CCSER1: variants seen among roughly 807,000 people sequenced by gnomAD.
CCSER1 encodes the protein serine-rich coiled-coil domain-containing protein 1.
A neutral mutation model predicts 82.0 loss-of-function variants in CCSER1; 41 were observed. That is an observed-to-expected ratio of 0.50 (90% CI 0.39 to 0.65). The LOEUF is 0.65. Among genes scored for constraint, CCSER1 ranks in the 30% least tolerant of loss-of-function variants. The probability of loss-of-function intolerance (pLI) is 0.00; values close to 1 mark genes in which losing one functional copy is unlikely to be tolerated. For missense variants in CCSER1, 1,119 were observed against 1,064.2 expected (o/e 1.05, Z -0.72); for synonymous variants, 414 against 383.9 (o/e 1.08, Z -0.92).
At chr4:91,234,367 A>G (rs1293282720) in intron 10 of CCSER1, among the ~76,000 whole-genome samples, 2 of 152,032 alleles carry the variant, frequency 1.3e-5, no homozygotes, top group Non-Finnish European at 2.9e-5. Flanking sequence ...TTATTCCACC[A>G]TGGCTCTAAT....
intron 10 of CCSER1, among the ~76,000 whole-genome samples, chr4:91,592,738 G>A (rs987431198): frequency 3.3e-5 from 5 of 151,652 alleles, no homozygotes; most frequent in African/African-American, 4.8e-5. Context: ...ATTTTTCTAA[G>A]TATAATACCA....
In CCSER1 at chr4:90,642,350, T is replaced by A. The variant is rs531195961; in HGVS notation, c.1932+14118T>A. 5.2e-5 allele frequency: 8 copies of A among 153,086 alleles called. 1 individual carries two copies. The highest frequency in any genetic ancestry group is 1.7e-4 in the African/African-American group (7 of 41,600). 9.5% of individuals were successfully genotyped at this position (153,086 alleles called of 1,614,324 possible). On this transcript the variant is annotated intron_variant, in intron 6 of 10. Transcript: ENST00000509176. Reference sequence around the variant, plus strand: ...TTTCTTAAAAGTAGTATGAATCTAATAATATTCACATGTTTACAGATGAGC... The same window carrying A: ...TTTCTTAAAAGTAGTATGAATCTAAAAATATTCACATGTTTACAGATGAGC...
At chr4:90,587,057 T>A (rs1034096423) in intron 5 of CCSER1, among the ~76,000 whole-genome samples, 2 of 152,184 alleles carry the variant, frequency 1.3e-5, no homozygotes, top group African/African-American at 2.4e-5. Flanking sequence ...AGTGCTGTAA[T>A]GTGATAAGGA....
intron 8 of CCSER1, among the ~76,000 whole-genome samples, chr4:90,865,072 T>C (rs755433127): frequency 1.2e-4 from 19 of 152,064 alleles, no homozygotes; most frequent in Non-Finnish European, 2.4e-4. Flanking sequence ...TTTTGGTGAA[T>C]CCAATATATT....
At chr4:90,623,969 A>C (rs1722836748) in intron 5 of CCSER1, among the ~76,000 whole-genome samples, 1 of 152,188 alleles carries the variant, frequency 6.6e-6, no homozygotes, top group African/African-American at 2.4e-5. Context: ...GAACCTTTTT[A>C]AAATGAAGTT....
chr4:90,336,962 G>A (rs989196964), intron 3 of CCSER1, among the ~76,000 whole-genome samples: 1 of 152,116 alleles, frequency 6.6e-6, no homozygotes, highest in Non-Finnish European at 1.5e-5. Flanking sequence ...ATCACAAATG[G>A]TTTATTTACA....
At chr4:90,476,904 T>C (rs1023682454) in intron 5 of CCSER1, among the ~76,000 whole-genome samples, 2 of 152,246 alleles carry the variant, frequency 1.3e-5, no homozygotes, top group South Asian at 4.1e-4. Flanking sequence ...GACAACCCGA[T>C]AATATGACTG....
intron 5 of CCSER1, among the ~76,000 whole-genome samples, chr4:90,608,776 T>A (rs577170423): frequency 1.6e-5 from 2 of 126,878 alleles, no homozygotes; most frequent in Non-Finnish European, 3.3e-5. Flanking sequence ...AATTTATTTC[T>A]TCTTATTTTA....
At chr4:90,988,617 G>A (rs955877689) in intron 9 of CCSER1, among the ~76,000 whole-genome samples, 1 of 151,456 alleles carries the variant, frequency 6.6e-6, no homozygotes, top group South Asian at 2.1e-4. Flanking sequence ...TTATGGGAGG[G>A]GTTCCACTAA....
At chr4:90,409,024 G>T (rs1253780978) in intron 4 of CCSER1, among the ~76,000 whole-genome samples, 1 of 152,146 alleles carries the variant, frequency 6.6e-6, no homozygotes, top group Non-Finnish European at 1.5e-5. Context: ...GGAAGAAAGG[G>T]TATCAGTGAT....
chr4:91,049,006 A>G (rs2148704507), intron 9 of CCSER1, among the ~76,000 whole-genome samples: 1 of 152,304 alleles, frequency 6.6e-6, no homozygotes, highest in African/African-American at 2.4e-5. Flanking sequence ...TAAGGCTTTT[A>G]ACATACTTAC....
At chr4:90,203,062 T>C (rs1738072015) in intron 1 of CCSER1, among the ~76,000 whole-genome samples, 1 of 152,206 alleles carries the variant, frequency 6.6e-6, no homozygotes, top group Admixed American at 6.5e-5. Flanking sequence ...ACTCACAAGG[T>C]ACATGCCTAC....
chr4:90,773,136 G>C (rs111962127), intron 7 of CCSER1, among the ~76,000 whole-genome samples: 1 of 152,066 alleles, frequency 6.6e-6, no homozygotes, highest in Non-Finnish European at 1.5e-5. Flanking sequence ...GCTACTCAGG[G>C]GGCTGAGGAA....
chr4:90,491,634 T>G (rs975739770), intron 5 of CCSER1, among the ~76,000 whole-genome samples: 7 of 152,174 alleles, frequency 4.6e-5, no homozygotes, highest in African/African-American at 1.7e-4. Flanking sequence ...GGCCATTCAG[T>G]ATGATATTGG....
chr4:91,458,510 T>C (rs1175664100), intron 10 of CCSER1, among the ~76,000 whole-genome samples: 1 of 152,150 alleles, frequency 6.6e-6, no homozygotes, highest in African/African-American at 2.4e-5. Context: ...TGTGGGTCTT[T>C]TGTGGTTCCG....
Position 91,092,662 on chromosome 4 carries a change from C to T in CCSER1, c.2217+6668C>T, listed in dbSNP as rs185701282. ...TCATGTACAGCCAGCATGACTGCAGCTCCTAGCAGCTGTGGCACAGCTATT... is the reference window on the plus strand; with the variant it reads ...TCATGTACAGCCAGCATGACTGCAGTTCCTAGCAGCTGTGGCACAGCTATT... On this transcript the variant is annotated intron_variant, in intron 10 of 10. Coordinates refer to ENST00000509176, the MANE Select transcript of CCSER1 (RefSeq NM_001145065.2). Among the ~76,000 whole-genome samples, 1,014 of 152,324 alleles carry T rather than the reference C, an allele frequency of 6.7e-3. 12 individuals carry two copies. Among genetic ancestry groups the T allele is most frequent in the Non-Finnish European group, 0.01 (702 of 68,040 alleles).
intron 10 of CCSER1, among the ~76,000 whole-genome samples, chr4:91,529,857 T>A (rs1262530562): frequency 6.6e-6 from 1 of 152,182 alleles, no homozygotes; most frequent in South Asian, 2.1e-4. Flanking sequence ...GTTGTAGATA[T>A]TAACTAAAAT....
intron 6 of CCSER1, among the ~76,000 whole-genome samples, chr4:90,655,594 G>A (rs1203153736): frequency 2.0e-5 from 3 of 151,932 alleles, no homozygotes; most frequent in Non-Finnish European, 4.4e-5. Context: ...CTCTGAGAAT[G>A]AGTAAGATCT....
intron 4 of CCSER1, among the ~76,000 whole-genome samples, chr4:90,400,789 G>A (rs781570621): frequency 6.6e-6 from 1 of 151,992 alleles, no homozygotes; most frequent in Non-Finnish European, 1.5e-5. Flanking sequence ...AGGAATTATT[G>A]GTCGTCCATT....
Sources: allele counts gnomAD v4.1 joint callset (sites outside exome capture counted in the v4.1 genomes callset), GRCh38; gene constraint gnomAD v4.1.1; transcripts MANE v1.5; gene names NCBI Gene and HGNC (gene_info 2026-07-23, HGNC 2026-07-21).